The following TSNAX variants were observed in gnomAD, a reference collection of about 807,000 sequenced individuals.
TSNAX encodes the protein translin-associated protein X.
A neutral mutation model predicts 33.0 loss-of-function variants in TSNAX; 12 were observed. That is an observed-to-expected ratio of 0.36 (90% CI 0.23 to 0.59). The LOEUF is 0.59. Among genes scored for constraint, TSNAX ranks in the 20% least tolerant of loss-of-function variants. TSNAX has a pLI of 0.74. For synonymous variants in TSNAX, 110 were observed against 117.2 expected (o/e 0.94, Z 0.40); for missense variants, 267 against 341.3 (o/e 0.78, Z 1.72).
chr1:231,533,701 A>T (rs980555071), intron 2 of TSNAX, among the ~76,000 whole-genome samples: 2 of 152,176 alleles, frequency 1.3e-5, no homozygotes, highest in Non-Finnish European at 2.9e-5. Flanking sequence ...CTTGACTTAG[A>T]TTGACCAATT....
intron 2 of TSNAX, 67 bp downstream of exon 2, chr1:231,529,426 A>C (rs1260818725): frequency 2.6e-5 from 39 of 1,476,432 alleles, no homozygotes; most frequent in Non-Finnish European, 3.5e-5. Flanking sequence ...GGTTATGCGC[A>C]AGAAAACAGT....
At chr1:231,529,446 T>C (rs771801558) in intron 2 of TSNAX, 87 bp downstream of exon 2, 31 of 1,355,018 alleles carry the variant, frequency 2.3e-5, no homozygotes, top group Non-Finnish European at 3.0e-5. Flanking sequence ...TCCCTAAGAA[T>C]TTAATGTGAA....
intron 3 of TSNAX, among the ~76,000 whole-genome samples, chr1:231,538,446 T>G (rs941516617): frequency 6.6e-6 from 1 of 152,170 alleles, no homozygotes; most frequent in Middle Eastern, 3.2e-3. Flanking sequence ...CAGCTGAGGA[T>G]CTCCATCTTC....
chr1:231,563,312 T>C (rs1401559364), intron 5 of TSNAX, among the ~76,000 whole-genome samples: 1 of 152,222 alleles, frequency 6.6e-6, no homozygotes, highest in African/African-American at 2.4e-5. Flanking sequence ...GGGAAATTGA[T>C]GTGGAGAGAG....
Position 231,528,772 on chromosome 1 carries a change from C to G in TSNAX, c.-39C>G. The G allele has an allele frequency of 1.2e-6, 2 of 1,613,988 alleles. No homozygotes were observed. Among genetic ancestry groups the G allele is most frequent in the South Asian group, 1.1e-5 (1 of 91,074 alleles). On this transcript the variant is annotated 5_prime_UTR_variant, in exon 1 of 6. Coordinates refer to ENST00000366639, the MANE Select transcript of TSNAX (RefSeq NM_005999.3). ...CTCGCGCACTCCTCTTGCTCCAGGT[C>G]CTTCAGTCTCCGCTCGTCTCACCGT...
intron 4 of TSNAX, among the ~76,000 whole-genome samples, chr1:231,560,733 T>A (rs1335171452): frequency 6.6e-6 from 1 of 151,144 alleles, no homozygotes; most frequent in Non-Finnish European, 1.5e-5. Flanking sequence ...AAGCTTTTCT[T>A]AAATCCTAAT....
At chr1:231,548,178 A>C (rs552778072) in intron 4 of TSNAX, among the ~76,000 whole-genome samples, 10 of 152,244 alleles carry the variant, frequency 6.6e-5, no homozygotes, top group Non-Finnish European at 1.5e-4. Context: ...TCTAACAAAA[A>C]TTAATGGCAG....
chr1:231,564,214 C>G (rs12092643), intron 5 of TSNAX, among the ~76,000 whole-genome samples: 1,987 of 152,200 alleles, frequency 0.013, 37 homozygotes, highest in African/African-American at 0.045. Flanking sequence ...GTTATTAAGC[C>G]TTGTTCAAGA....
chr1:231,534,995 ATGAAAG>A (rs1291404570), intron 2 of TSNAX: 6 of 152,230 alleles, frequency 3.9e-5, no homozygotes, highest in African/African-American at 1.4e-4. Flanking sequence ...TATCTGAATG[ATGAAAG>A]TGAAATGTGA....
intron 4 of TSNAX, among the ~76,000 whole-genome samples, chr1:231,549,775 A>G (rs935577085): frequency 6.6e-6 from 1 of 152,200 alleles, no homozygotes; most frequent in Non-Finnish European, 1.5e-5. Flanking sequence ...AATAATACAA[A>G]TTTCAGCACA....
rs745984318 is a variant in TSNAX, at chr1:231,542,609, C to T, written c.365C>T (p.Thr122Ile). Residue 122 changes from threonine (T) to isoleucine (I), a missense_variant and splice_region_variant, in exon 4 of 6, where the codon ACA becomes ATA. This residue lies in a region of TSNAX where 200 missense variants were observed against 214.1 expected (regional missense o/e 0.93). Transcript: ENST00000366639. Reference sequence around the variant, plus strand: ...CATCAGTTCCATCGAGCCATTACTACAGGTAAGTCTAGGTTTGTTTCAGGG... The same window carrying T: ...CATCAGTTCCATCGAGCCATTACTATAGGTAAGTCTAGGTTTGTTTCAGGG... Reference protein sequence around the residue: ...DMHQFHRAITTGLQEYVEAVS... With the variant: ...DMHQFHRAITIGLQEYVEAVS... 6.2e-6 allele frequency: 10 copies of T among 1,613,544 alleles called. No homozygotes were observed. In the East Asian group the frequency reaches 2.2e-4, roughly 36 times the overall value.
chr1:231,544,076 T>C (rs1659748289), intron 4 of TSNAX, among the ~76,000 whole-genome samples: 1 of 152,166 alleles, frequency 6.6e-6, no homozygotes, highest in African/African-American at 2.4e-5. Context: ...CAGGAAAATA[T>C]TTCAGACAGA....
At chr1:231,559,510 A>G (rs1445088694) in intron 4 of TSNAX, among the ~76,000 whole-genome samples, 22 of 152,090 alleles carry the variant, frequency 1.4e-4, no homozygotes. Flanking sequence ...TTGTGTTTTT[A>G]GTAGAGACGG....
chr1:231,540,194 A>C (rs907544003), intron 3 of TSNAX, among the ~76,000 whole-genome samples: 10 of 144,852 alleles, frequency 6.9e-5, no homozygotes, highest in Admixed American at 7.0e-5. Context: ...AAAAAAAAAA[A>C]AAAACTTTAT....
At chr1:231,529,469 G>A (rs1320547290) in intron 2 of TSNAX, 110 bp downstream of exon 2, 1 of 1,125,558 alleles carries the variant, frequency 8.9e-7, no homozygotes, top group Admixed American at 2.2e-5. Flanking sequence ...TTTAGCTGGA[G>A]GTTTTGTGAT....
At chr1:231,550,590 G>T (rs1430555190) in intron 4 of TSNAX, among the ~76,000 whole-genome samples, 1 of 152,156 alleles carries the variant, frequency 6.6e-6, no homozygotes, top group Non-Finnish European at 1.5e-5. Flanking sequence ...AAAGAGTCTG[G>T]GGGAAGGGAG....
intron 2 of TSNAX, chr1:231,535,500 CTGTTTT>C (rs959136481): frequency 6.6e-6 from 1 of 152,118 alleles, no homozygotes; most frequent in Non-Finnish European, 1.5e-5. Flanking sequence ...ACTTAAAACA[CTGTTTT>C]TGTTTGGCAG....
chr1:231,533,850 C>T (rs1658958003), intron 2 of TSNAX, among the ~76,000 whole-genome samples: 1 of 152,060 alleles, frequency 6.6e-6, no homozygotes, highest in Admixed American at 6.6e-5. Flanking sequence ...AATATATTTC[C>T]TAGGAAGAAG....
Position 231,534,207 on chromosome 1 carries a change from A to G in TSNAX, c.122-3006A>G, listed in dbSNP as rs529001865. 3.9e-4 allele frequency: 60 copies of G among 152,302 alleles called. 1 individual carries two copies. Among genetic ancestry groups the G allele is most frequent in the African/African-American group, 1.3e-3 (56 of 41,576 alleles). 9.4% of individuals were successfully genotyped at this position (152,302 alleles called of 1,614,324 possible). On this transcript the variant is annotated intron_variant, in intron 2 of 5. Transcript: ENST00000366639. Reference sequence around the variant, plus strand: ...CATCCCTGGCTGGAATACTACATAAATGATGGTTTGTTGATTTGTTCTTTT... The same window carrying G: ...CATCCCTGGCTGGAATACTACATAAGTGATGGTTTGTTGATTTGTTCTTTT...
Sources: allele counts gnomAD v4.1 joint callset (sites outside exome capture counted in the v4.1 genomes callset), GRCh38; gene constraint gnomAD v4.1.1; regional missense constraint gnomAD v4.1.1; transcripts MANE v1.5; gene names NCBI Gene and HGNC (gene_info 2026-07-23, HGNC 2026-07-21).